Variants in DGKG observed in about 807,000 individuals in gnomAD.
DGKG encodes DAG kinase gamma.
In DGKG, 78 loss-of-function variants were observed where a neutral mutation model predicts 105.3. The observed-to-expected ratio is 0.74, with a 90% CI of 0.62 to 0.89. DGKG has a LOEUF of 0.89. DGKG is among the 40% of genes least tolerant of loss of function. The probability of loss-of-function intolerance (pLI) is 0.00; values close to 1 mark genes in which losing one functional copy is unlikely to be tolerated. For synonymous variants in DGKG, 346 were observed against 367.1 expected (o/e 0.94, Z 0.66); for missense variants, 958 against 1,020.1 (o/e 0.94, Z 0.83).
chr3:186,172,211 G>A (rs1716857909), intron 22 of DGKG, among the ~76,000 whole-genome samples: 1 of 152,178 alleles, frequency 6.6e-6, no homozygotes, highest in African/African-American at 2.4e-5. Context: ...GAATCTCTGG[G>A]TGTCCTGATT....
Position 186,361,552 on chromosome 3 carries a change from T to C in DGKG, c.-249+394A>G, listed in dbSNP as rs1727230586. Among the ~76,000 whole-genome samples the C allele has an allele frequency of 6.6e-6, 1 of 152,104 alleles. No individual in the cohort carries two copies. The highest frequency in any genetic ancestry group is 1.5e-5 in the Non-Finnish European group (1 of 68,006). ...GCGGCCAGACATTAGGAAAAGCATC[T>C]CCTGCTTCTCGGACTGCCTGGAGCG... On this transcript the variant is annotated intron_variant, in intron 1 of 24. Transcript: ENST00000265022. This position sits in a 1 kb window ranked among gnomAD's most constrained non-coding sequence, Gnocchi z 6.8.
At chr3:186,270,932 G>C (rs971881332) in intron 11 of DGKG, among the ~76,000 whole-genome samples, 2 of 152,238 alleles carry the variant, frequency 1.3e-5, no homozygotes, top group Non-Finnish European at 2.9e-5. Context: ...CAGGCTTAGG[G>C]CCTGCGTCCA....
intron 24 of DGKG, among the ~76,000 whole-genome samples, chr3:186,157,674 T>C (rs1716101383): frequency 6.6e-6 from 1 of 152,228 alleles, no homozygotes; most frequent in Admixed American, 6.5e-5. Context: ...TTCAAGTTCA[T>C]TAGAATCAAG....
chr3:186,271,085 G>A (rs1722295656), intron 11 of DGKG, among the ~76,000 whole-genome samples: 1 of 152,208 alleles, frequency 6.6e-6, no homozygotes, highest in Non-Finnish European at 1.5e-5. Context: ...TCTACCAGGA[G>A]TCCTTCTGCA....
intron 21 of DGKG, among the ~76,000 whole-genome samples, chr3:186,208,042 CTTTTT>C (rs949866766): frequency 2.0e-5 from 3 of 151,578 alleles, no homozygotes; most frequent in African/African-American, 7.3e-5. Flanking sequence ...TTCTTTCTTT[CTTTTT>C]TTTCTTTTTT....
intron 24 of DGKG, among the ~76,000 whole-genome samples, chr3:186,151,837 G>C (rs547988119): frequency 6.6e-6 from 1 of 152,094 alleles, no homozygotes; most frequent in South Asian, 2.1e-4. Flanking sequence ...CCAGCACTTC[G>C]GGAGGCTGAG....
rs144464137 is a variant in DGKG, at chr3:186,312,886, A to G, written c.68-5909T>C. ...AAGCACAGGGGAGAAGCCCAGCTTC[A>G]TAAGCACGGATGTACTTGCTACACA... On this transcript the variant is annotated intron_variant, in intron 2 of 24. Coordinates refer to ENST00000265022, the MANE Select transcript of DGKG (RefSeq NM_001346.3). 6.0e-3 allele frequency among the ~76,000 whole-genome samples: 909 copies of G among 152,372 alleles called. 7 individuals carry two copies. The highest frequency in any genetic ancestry group is 0.021 in the African/African-American group (860 of 41,598).
intron 7 of DGKG, among the ~76,000 whole-genome samples, chr3:186,282,770 C>T (rs1209133866): frequency 2.0e-5 from 3 of 152,174 alleles, no homozygotes; most frequent in African/African-American, 7.2e-5. Flanking sequence ...CCCACCTCAG[C>T]TTCCCAAAGT....
intron 1 of DGKG, among the ~76,000 whole-genome samples, chr3:186,358,618 T>A (rs900462012): frequency 1.9e-4 from 29 of 152,206 alleles, no homozygotes; most frequent in African/African-American, 6.8e-4. Flanking sequence ...ACTTTATTTT[T>A]AAATTGTTTT....
chr3:186,243,895 G>GTTTTTTTTTTTTTTTTTTTTTTTTTTTT (rs34134152), intron 19 of DGKG, among the ~76,000 whole-genome samples: 20 of 116,320 alleles, frequency 1.7e-4, no homozygotes, highest in African/African-American at 6.5e-4. Flanking sequence ...AAATTTCTGT[G>GTTTTTTTTTTTTTTTTTTTTTTTTTTTT]TTTTTTTTTT....
At chr3:186,254,953 G>T (rs1176907619) in intron 17 of DGKG, among the ~76,000 whole-genome samples, 1 of 152,116 alleles carries the variant, frequency 6.6e-6, no homozygotes, top group Non-Finnish European at 1.5e-5. Flanking sequence ...TGCCTCCCAC[G>T]CAACATGTCA....
intron 1 of DGKG, among the ~76,000 whole-genome samples, chr3:186,335,614 A>G (rs950319454): frequency 1.3e-5 from 2 of 152,228 alleles, no homozygotes; most frequent in African/African-American, 2.4e-5. Flanking sequence ...AATAGTTAAT[A>G]TCCTTGTTGG....
At chr3:186,164,560 A>G (rs1716445996) in intron 23 of DGKG, among the ~76,000 whole-genome samples, 1 of 152,164 alleles carries the variant, frequency 6.6e-6, no homozygotes, top group African/African-American at 2.4e-5. Flanking sequence ...TCCCTCTGCC[A>G]TCTATCTAAC....
At chr3:186,252,775 A>G (rs1260669747) in intron 18 of DGKG, among the ~76,000 whole-genome samples, 2 of 152,238 alleles carry the variant, frequency 1.3e-5, no homozygotes, top group African/African-American at 4.8e-5. Flanking sequence ...GGGATGGGAC[A>G]TATGAGACTT....
rs1441036762 is a variant in DGKG at position 186,267,775 on chromosome 3, A to T, written c.1119T>A (p.Phe373Leu). The T allele has an allele frequency of 6.2e-7, 1 of 1,613,836 alleles. No individual in the cohort carries two copies. The highest frequency in any genetic ancestry group is 2.2e-5 in the East Asian group (1 of 44,878). ...ACGTTGATAATTCACATTTGCGGTG[A>T]AACTGGGGGGAGAAATGAAAAAGAG... is the stretch of plus-strand genomic sequence containing the variant. ...ARHCVWCRMT[F>L]HRKCELSTLC... Residue 373 changes from phenylalanine to leucine, a missense_variant and splice_region_variant, in exon 13 of 25, where the codon TTT becomes TTA. Coordinates refer to ENST00000265022, the MANE Select transcript of DGKG (RefSeq NM_001346.3).
At chr3:186,204,897 T>C (rs997090722) in intron 21 of DGKG, among the ~76,000 whole-genome samples, 1 of 151,968 alleles carries the variant, frequency 6.6e-6, no homozygotes, top group Non-Finnish European at 1.5e-5. Context: ...TGTCTGAGAG[T>C]TCCCATTTCT....
chr3:186,299,767 C>CCCTT (rs1553815790), intron 3 of DGKG, among the ~76,000 whole-genome samples: 1 of 95,474 alleles, frequency 1.0e-5, no homozygotes, highest in Non-Finnish European at 2.2e-5. Context: ...TTCTTCTTTT[C>CCCTT]TCTTTCTTTC....
chr3:186,224,195 A>G (rs2284839), intron 20 of DGKG, among the ~76,000 whole-genome samples: 26,486 of 152,194 alleles, frequency 0.17, 2,645 homozygotes, highest in Non-Finnish European at 0.23. Flanking sequence ...CGCTTGGTTT[A>G]TGTGATAAGC....
At chr3:186,198,857 G>A (rs535305521) in intron 21 of DGKG, among the ~76,000 whole-genome samples, 1 of 152,220 alleles carries the variant, frequency 6.6e-6, no homozygotes, top group African/African-American at 2.4e-5. Context: ...AAAAACTAGA[G>A]AGAATGTTTC....
Sources: gnomAD v4.1 joint callset for allele counts (sites outside exome capture counted in the v4.1 genomes callset) on GRCh38, gnomAD v4.1.1 for gene constraint, Gnocchi (gnomAD v3.1) non-coding constraint, MANE v1.5 for transcripts, NCBI Gene and HGNC (gene_info 2026-07-23, HGNC 2026-07-21) for gene names.